GRID2: variants seen among roughly 807,000 people sequenced by gnomAD.
The protein encoded by GRID2 is glutamate receptor ionotropic, delta-2.
A neutral mutation model predicts 114.8 loss-of-function variants in GRID2; 33 were observed. The observed-to-expected ratio is 0.29, with a 90% CI of 0.22 to 0.38. The LOEUF (loss-of-function observed/expected upper bound fraction) is 0.38, where lower values mean the gene tolerates loss of function less well. GRID2 is among the 10% of genes least tolerant of loss of function. GRID2 has a pLI of 1.00. For missense variants in GRID2, 1,184 were observed against 1,257.7 expected, an observed-to-expected ratio of 0.94 and a Z score of 0.89; for synonymous variants, 505 against 449.9, an observed-to-expected ratio of 1.12 and a Z score of -1.55.
At chr4:93,377,328 T>C (rs1057269664) in intron 8 of GRID2, among the ~76,000 whole-genome samples, 2 of 152,180 alleles carry the variant, frequency 1.3e-5, no homozygotes, top group African/African-American at 4.8e-5. Context: ...AAGATATGTC[T>C]TTTTAGTTGT....
intron 2 of GRID2, chr4:92,884,887 G>A (rs1311174492): frequency 2.5e-6 from 1 of 400,886 alleles, no homozygotes. Flanking sequence ...AATGTTCTGA[G>A]AATGGTACTA....
At chr4:93,102,104 T>C (rs1433439940) in intron 3 of GRID2, among the ~76,000 whole-genome samples, 1 of 152,166 alleles carries the variant, frequency 6.6e-6, no homozygotes, top group Non-Finnish European at 1.5e-5. Context: ...GAAGTTTACT[T>C]CAAAATAGCT....
chr4:92,938,492 A>G lies in GRID2; in HGVS notation c.245-146503A>G, dbSNP rs112363928. 3.5e-4 allele frequency among the ~76,000 whole-genome samples: 51 copies of G among 146,850 alleles called. 2 individuals are homozygous for G. The highest frequency in any genetic ancestry group is 1.2e-3 in the African/African-American group (48 of 41,282). On this transcript the variant is annotated intron_variant, in intron 2 of 15. Transcript: ENST00000282020. ...TATTTCTAAATCTCTTTAAATTGAG[A>G]TGGTTAAAGTACAGTATAGTAACAA...
At chr4:93,546,906 A>G (rs1417591692) in intron 13 of GRID2, among the ~76,000 whole-genome samples, 1 of 152,036 alleles carries the variant, frequency 6.6e-6, no homozygotes, top group Non-Finnish European at 1.5e-5. Context: ...GACTTGTCTT[A>G]CTTTAGGTAT....
chr4:93,062,496 T>C lies in GRID2; in HGVS notation c.245-22499T>C, dbSNP rs1411400519. Among the ~76,000 whole-genome samples the C allele has an allele frequency of 2.0e-5, 3 of 152,240 alleles. No homozygotes were observed. In the East Asian group the frequency reaches 5.8e-4, roughly 29 times the overall value. ...TTGATACATTCACCAAAGAGCGTCA[T>C]TAGACATGTGTTGTGCACTAGTTAT... On this transcript the variant is annotated intron_variant, in intron 2 of 15. Transcript: ENST00000282020.
At chr4:92,319,004 T>A (rs1413652631) in intron 1 of GRID2, among the ~76,000 whole-genome samples, 1 of 151,948 alleles carries the variant, frequency 6.6e-6, no homozygotes, top group Non-Finnish European at 1.5e-5. Flanking sequence ...CTATGAGAGG[T>A]GGTTTGGCAT....
intron 13 of GRID2, among the ~76,000 whole-genome samples, chr4:93,521,138 C>T (rs576898264): frequency 2.6e-4 from 40 of 152,126 alleles, no homozygotes; most frequent in African/African-American, 8.7e-4. Flanking sequence ...CTTTGGCTTA[C>T]GTAGGTGGAG....
chr4:93,286,701 GT>G (rs1753203207), intron 8 of GRID2, among the ~76,000 whole-genome samples: 1 of 146,010 alleles, frequency 6.8e-6, no homozygotes, highest in African/African-American at 2.8e-5. Flanking sequence ...GGGGGTGTGT[GT>G]GTGTGTGTGT....
At chr4:92,714,715 G>A (rs965038746) in intron 2 of GRID2, among the ~76,000 whole-genome samples, 25 of 152,078 alleles carry the variant, frequency 1.6e-4, no homozygotes, top group African/African-American at 6.0e-4. Flanking sequence ...ACCCTCTAAA[G>A]CCACAAGCCA....
intron 2 of GRID2, among the ~76,000 whole-genome samples, chr4:92,936,542 G>A (rs1355284630): frequency 6.9e-6 from 1 of 145,958 alleles, no homozygotes; most frequent in Admixed American, 7.5e-5. Context: ...ATTTAATCAT[G>A]TAATATTAGT....
intron 2 of GRID2, among the ~76,000 whole-genome samples, chr4:92,806,607 T>C (rs1740427445): frequency 6.6e-6 from 1 of 151,882 alleles, no homozygotes; most frequent in Non-Finnish European, 1.5e-5. Context: ...ACCTAAGATA[T>C]ATAAGAGCCT....
intron 1 of GRID2, among the ~76,000 whole-genome samples, chr4:92,320,457 C>T (rs928060514): frequency 9.2e-5 from 14 of 151,976 alleles, no homozygotes; most frequent in Admixed American, 4.6e-4. Flanking sequence ...GAATTAATTT[C>T]GAATAATATT....
At position 93,144,985 on chromosome 4, in the gene GRID2, G is replaced by A. The variant is rs72887681; in HGVS notation, c.735+34032G>A. 2.3e-3 allele frequency among the ~76,000 whole-genome samples: 349 copies of A among 152,186 alleles called. 3 individuals are homozygous for A. Among genetic ancestry groups the A allele is most frequent in the African/African-American group, 8.0e-3 (334 of 41,544 alleles). On this transcript the variant is annotated intron_variant, in intron 4 of 15. Coordinates refer to ENST00000282020, the MANE Select transcript of GRID2 (RefSeq NM_001510.4). ...AAAACCATCTACCTTTACCTTTACC[G>A]ACCTGATTTCTGTTCCTTGATCATA...
intron 2 of GRID2, among the ~76,000 whole-genome samples, chr4:92,937,127 C>T (rs1456755731): frequency 6.8e-6 from 1 of 146,288 alleles, no homozygotes; most frequent in African/African-American, 2.4e-5. Context: ...CATTATGTGG[C>T]TTGTCTTTCT....
intron 2 of GRID2, among the ~76,000 whole-genome samples, chr4:92,660,027 G>A (rs1732445464): frequency 6.6e-6 from 1 of 151,378 alleles, no homozygotes; most frequent in Admixed American, 6.6e-5. Context: ...ATATTTTCAT[G>A]AAAATTATTT....
chr4:93,385,749 T>C (rs536740135), intron 8 of GRID2, among the ~76,000 whole-genome samples: 1 of 152,258 alleles, frequency 6.6e-6, no homozygotes, highest in South Asian at 2.1e-4. Context: ...ACCCAACCAC[T>C]AATAAGCTGT....
At chr4:92,966,918 A>G (rs900561000) in intron 2 of GRID2, among the ~76,000 whole-genome samples, 1 of 151,976 alleles carries the variant, frequency 6.6e-6, no homozygotes, top group Non-Finnish European at 1.5e-5. Flanking sequence ...AAACAATACA[A>G]TGATTATGAG....
At chr4:93,069,150 A>ACAC (rs1179886014) in intron 2 of GRID2, among the ~76,000 whole-genome samples, 3 of 151,914 alleles carry the variant, frequency 2.0e-5, no homozygotes, top group Non-Finnish European at 4.4e-5. Flanking sequence ...CTCTCACAAG[A>ACAC]CACCACCTCC....
intron 2 of GRID2, among the ~76,000 whole-genome samples, chr4:92,913,873 T>G (rs1748579380): frequency 6.6e-6 from 1 of 152,014 alleles, no homozygotes; most frequent in South Asian, 2.1e-4. Flanking sequence ...AAAAAATGAC[T>G]ACTATTTTTT....
Sources: allele counts gnomAD v4.1 joint callset (sites outside exome capture counted in the v4.1 genomes callset), GRCh38; gene constraint gnomAD v4.1.1; transcripts MANE v1.5; gene names NCBI Gene and HGNC (gene_info 2026-07-23, HGNC 2026-07-21).